The following DCBLD2 variants were observed in gnomAD, a reference collection of about 807,000 sequenced individuals.
The protein encoded by DCBLD2 is discoidin, CUB and LCCL domain-containing protein 2.
Under a neutral mutation model 86.8 loss-of-function variants are expected in DCBLD2, and 54 were observed. The ratio of observed to expected loss-of-function variants is 0.62; its 90% CI spans 0.50 to 0.78. DCBLD2 has a LOEUF of 0.78. DCBLD2 is among the 30% of genes least tolerant of loss of function. The pLI, the probability that DCBLD2 is intolerant of heterozygous loss-of-function variation, is 0.00. For missense variants in DCBLD2, 908 were observed against 954.2 expected (o/e 0.95, Z 0.64); for synonymous variants, 354 against 341.3 (o/e 1.04, Z -0.41).
rs376166625 is a variant in DCBLD2 at position 98,853,241 on chromosome 3, A to T, written c.434-3643T>A. Among the ~76,000 whole-genome samples, 15 of 152,332 alleles carry T rather than the reference A, an allele frequency of 9.8e-5. No individual in the cohort carries two copies. In the South Asian group the frequency reaches 2.5e-3, roughly 25 times the overall value. On this transcript the variant is annotated intron_variant, in intron 2 of 15. Transcript: ENST00000326840. ...ACAGCTCTGGGCTATACTCTCCTTC[A>T]AAAATGTTTAAATTAGGTGTTAAAG...
intron 3 of DCBLD2, among the ~76,000 whole-genome samples, chr3:98,848,867 A>C (rs1337686750): frequency 2.6e-5 from 4 of 152,126 alleles, no homozygotes; most frequent in South Asian, 2.1e-4. Context: ...ATAATTTATA[A>C]ATTTTAAAAA....
intron 2 of DCBLD2, among the ~76,000 whole-genome samples, chr3:98,866,805 G>A (rs1014106518): frequency 5.3e-5 from 8 of 152,198 alleles, no homozygotes; most frequent in African/African-American, 1.9e-4. Context: ...GAATGGTACT[G>A]CCTAGGTTTT....
intron 13 of DCBLD2, among the ~76,000 whole-genome samples, chr3:98,807,398 C>T (rs1941860643): frequency 6.6e-6 from 1 of 152,118 alleles, no homozygotes; most frequent in Non-Finnish European, 1.5e-5. Flanking sequence ...GGTGCCCTTA[C>T]AGGAAAGGCC....
intron 8 of DCBLD2, among the ~76,000 whole-genome samples, chr3:98,818,529 G>C (rs374144396): frequency 6.6e-6 from 1 of 152,310 alleles, no homozygotes; most frequent in African/African-American, 2.4e-5. Context: ...GTGTCAACTT[G>C]ATTGAAGGAT....
Position 98,799,365 on chromosome 3 carries a change from A to G in DCBLD2, c.*7T>C, listed in dbSNP as rs1941671285. The G allele has an allele frequency of 6.3e-7, 1 of 1,594,362 alleles. No individual in the cohort carries two copies. The highest frequency in any genetic ancestry group is 1.7e-5 in the Admixed American group (1 of 57,340). On this transcript the variant is annotated 3_prime_UTR_variant, in exon 16 of 16. Transcript: ENST00000326840. The stretch of plus-strand genomic sequence containing the variant: ...AAAACGATGCTTTGTAAAAAGCAGC[A>G]TCATCTTCAAAGGATTTCTTTAAAA...
At chr3:98,876,412 T>TAAAAAAAAAAAAAAAAAAAAAAAAAAA (rs60681986) in intron 2 of DCBLD2, among the ~76,000 whole-genome samples, 8 of 47,532 alleles carry the variant, frequency 1.7e-4, no homozygotes, top group East Asian at 5.5e-4. Context: ...AGATAAAAAG[T>TAAAAAAAAAAAAAAAAAAAAAAAAAAA]AAAAAAAAAA....
intron 1 of DCBLD2, among the ~76,000 whole-genome samples, chr3:98,900,177 CA>C (rs1943822697): frequency 6.6e-6 from 1 of 152,152 alleles, no homozygotes; most frequent in Non-Finnish European, 1.5e-5. Flanking sequence ...CACTGAAAAC[CA>C]TGAGAGCAAC....
At chr3:98,887,271 T>C (rs906464660) in intron 1 of DCBLD2, among the ~76,000 whole-genome samples, 4 of 151,850 alleles carry the variant, frequency 2.6e-5, no homozygotes, top group Non-Finnish European at 4.4e-5. Context: ...ATCTGCGAGA[T>C]CTTAAAATGA....
chr3:98,822,615 T>C (rs1442968575), intron 5 of DCBLD2, 54 bp downstream of exon 5: 2 of 1,486,288 alleles, frequency 1.3e-6, no homozygotes, highest in Non-Finnish European at 1.8e-6. Flanking sequence ...ACTCTGGAGT[T>C]CTAAAAAAAT....
chr3:98,874,128 G>A (rs1943325103), intron 2 of DCBLD2, among the ~76,000 whole-genome samples: 1 of 152,114 alleles, frequency 6.6e-6, no homozygotes, highest in South Asian at 2.1e-4. Flanking sequence ...AAACGCACCA[G>A]GCTAAAATAG....
intron 1 of DCBLD2, among the ~76,000 whole-genome samples, chr3:98,886,517 A>G (rs1384143286): frequency 6.6e-6 from 1 of 152,038 alleles, no homozygotes; most frequent in East Asian, 1.9e-4. Context: ...CTCCTTCTCC[A>G]AACTCCATCA....
At chr3:98,895,451 C>A (rs1297074143) in intron 1 of DCBLD2, 1 of 152,156 alleles carries the variant, frequency 6.6e-6, no homozygotes, top group Non-Finnish European at 1.5e-5. Context: ...TTTTGCTACT[C>A]ATTCTAAAAG....
rs568218603 is a variant in DCBLD2 at position 98,799,048 on chromosome 3, T to C, written c.*324A>G. ...CAGAGCCATCTCGAGTTCATTAATG[T>C]ACCTGCAGCATTGGTAATAAATACT... On this transcript the variant is annotated 3_prime_UTR_variant, in exon 16 of 16. Coordinates refer to ENST00000326840, the MANE Select transcript of DCBLD2 (RefSeq NM_080927.4). 8.7e-5 allele frequency: 19 copies of C among 219,122 alleles called. 1 individual carries two copies. Among genetic ancestry groups the C allele is most frequent in the African/African-American group, 4.2e-4 (18 of 43,268 alleles). The allele number at this position is 219,122 out of a possible 1,614,324, so 13.6% of individuals were successfully genotyped here.
At chr3:98,883,821 G>A (rs1037183471) in intron 1 of DCBLD2, among the ~76,000 whole-genome samples, 1 of 152,078 alleles carries the variant, frequency 6.6e-6, no homozygotes, top group African/African-American at 2.4e-5. Context: ...ACTCAATATG[G>A]ACACAGAGGG....
Position 98,796,469 on chromosome 3 carries a change from G to C in DCBLD2, c.*2903C>G, listed in dbSNP as rs1478135608. On this transcript the variant is annotated 3_prime_UTR_variant, in exon 16 of 16. Coordinates refer to ENST00000326840, the MANE Select transcript of DCBLD2 (RefSeq NM_080927.4). ...GGTGACAATGCAGAGCCAGGGCAAA[G>C]GTGTTTAAGCTTTGTCACCTTCCAC... The C allele has an allele frequency of 1.3e-5, 2 of 152,634 alleles. No homozygotes were observed. Among genetic ancestry groups the C allele is most frequent in the African/African-American group, 2.4e-5 (1 of 41,440 alleles). 9.5% of individuals were successfully genotyped at this position (152,634 alleles called of 1,614,324 possible). A position where few individuals can be genotyped will look rare whatever the true frequency, so the allele number is the denominator to read the frequency against.
rs562810864 is a variant in DCBLD2, at chr3:98,890,015, T to G, written c.206-8248A>C. On this transcript the variant is annotated intron_variant, in intron 1 of 15. Transcript: ENST00000326840. ...TTTTCCTTCTTGTACATAGATTTCT[T>G]TAGTTGCCTATACTTGATGTCTTCT... 2.6e-5 allele frequency among the ~76,000 whole-genome samples: 4 copies of G among 152,148 alleles called. No homozygotes were observed. In the South Asian group the frequency reaches 8.3e-4, roughly 32 times the overall value.
chr3:98,803,804 A>G (rs1199156247), intron 13 of DCBLD2, among the ~76,000 whole-genome samples: 2 of 152,136 alleles, frequency 1.3e-5, no homozygotes, highest in African/African-American at 4.8e-5. Context: ...TGAGATAATC[A>G]TGTAGTGTTT....
At chr3:98,822,803 C>T (rs1942147728) in intron 4 of DCBLD2, 62 bp from the exon 5 acceptor site, 2 of 1,416,714 alleles carry the variant, frequency 1.4e-6, no homozygotes, top group Admixed American at 5.0e-5. Context: ...AAAAAGCAAC[C>T]CCCCAAAAAT....
rs753531087 is a variant in DCBLD2 at position 98,812,393 on chromosome 3, G to C, written c.1302C>G (p.Thr434=). 3 of 1,613,268 alleles carry C rather than the reference G, an allele frequency of 1.9e-6. No individual in the cohort carries two copies. In the East Asian group the frequency reaches 6.7e-5, roughly 36 times the overall value. ...IIARFIRVNP[T]QWQQKIAMKM... is the part of the protein sequence containing the mutation. ...TCATGGCAATTTTCTGCTGCCATTG[G>C]GTAGGATTCACTCTAATAAAACGTG... Residue 434 remains threonine (T), a synonymous_variant, in exon 10 of 16, where the codon ACC becomes ACG. Coordinates refer to ENST00000326840, the MANE Select transcript of DCBLD2 (RefSeq NM_080927.4).
Sources: gnomAD v4.1 joint callset for allele counts (sites outside exome capture counted in the v4.1 genomes callset) on GRCh38, gnomAD v4.1.1 for gene constraint, MANE v1.5 for transcripts, NCBI Gene and HGNC (gene_info 2026-07-23, HGNC 2026-07-21) for gene names.